Variants in LHFPL6 observed in about 807,000 individuals in gnomAD.
LHFPL6 encodes LHFPL tetraspan subfamily member 6.
Under a neutral mutation model 20.6 loss-of-function variants are expected in LHFPL6, and 9 were observed. That is an observed-to-expected ratio of 0.44 (90% CI 0.26 to 0.76). The LOEUF is 0.76. LHFPL6 is among the 30% of genes least tolerant of loss of function. LHFPL6 has a pLI of 0.20. For synonymous variants in LHFPL6, 105 were observed against 98.7 expected (o/e 1.06, Z -0.38); for missense variants, 218 against 253.5 (o/e 0.86, Z 0.95).
At chr13:39,539,221 C>T (rs1026892987) in intron 2 of LHFPL6, among the ~76,000 whole-genome samples, 6 of 151,908 alleles carry the variant, frequency 3.9e-5, no homozygotes, top group African/African-American at 1.2e-4. Context: ...TTTTGCATTT[C>T]GAAAAGCAGG....
intron 2 of LHFPL6, 122 bp from the exon 3 acceptor site, chr13:39,378,648 C>A: frequency 1.6e-6 from 1 of 635,078 alleles, no homozygotes; most frequent in Non-Finnish European, 2.7e-6. Flanking sequence ...ACAGCACCAG[C>A]CACAACTCTT....
intron 2 of LHFPL6, among the ~76,000 whole-genome samples, chr13:39,575,450 GA>G (rs1872085280): frequency 6.6e-6 from 1 of 152,142 alleles, no homozygotes; most frequent in Non-Finnish European, 1.5e-5. Context: ...CTAGTATCAT[GA>G]AAATCCACAA....
chr13:39,481,372 G>C (rs1368072030), intron 2 of LHFPL6, among the ~76,000 whole-genome samples: 1 of 152,128 alleles, frequency 6.6e-6, no homozygotes, highest in Non-Finnish European at 1.5e-5. Flanking sequence ...CACTTTCCTG[G>C]AGGTTACACT....
intron 2 of LHFPL6, among the ~76,000 whole-genome samples, chr13:39,397,599 C>T (rs1870876348): frequency 6.6e-6 from 1 of 152,230 alleles, no homozygotes; most frequent in South Asian, 2.1e-4. Context: ...CCTCTGGCAT[C>T]TCAGGGTTTG....
At chr13:39,346,747 G>A (rs1160784545) in intron 3 of LHFPL6, among the ~76,000 whole-genome samples, 3 of 152,104 alleles carry the variant, frequency 2.0e-5, no homozygotes, top group Non-Finnish European at 4.4e-5. Flanking sequence ...ATCAAGCCAT[G>A]CTCTTACTTA....
chr13:39,485,639 T>C (rs1017152607), intron 2 of LHFPL6, among the ~76,000 whole-genome samples: 5 of 152,152 alleles, frequency 3.3e-5, no homozygotes, highest in African/African-American at 7.2e-5. Flanking sequence ...TCCACCACTA[T>C]GAATAATCAA....
chr13:39,441,974 C>G (rs1424136335), intron 2 of LHFPL6, among the ~76,000 whole-genome samples: 1 of 151,906 alleles, frequency 6.6e-6, no homozygotes, highest in Non-Finnish European at 1.5e-5. Context: ...GGATTACAGG[C>G]ATGCACCACC....
chr13:39,428,515 T>C (rs1049728706), intron 2 of LHFPL6, among the ~76,000 whole-genome samples: 33 of 152,306 alleles, frequency 2.2e-4, no homozygotes, highest in Non-Finnish European at 3.7e-4. Context: ...CGTATTATCA[T>C]TGTAATCTAT....
At chr13:39,560,133 T>A (rs1488878993) in intron 2 of LHFPL6, among the ~76,000 whole-genome samples, 7 of 152,112 alleles carry the variant, frequency 4.6e-5, no homozygotes, top group Non-Finnish European at 8.8e-5. Context: ...TAGGCAAAAA[T>A]TCATGGGAGC....
intron 2 of LHFPL6, among the ~76,000 whole-genome samples, chr13:39,437,451 C>A (rs989490493): frequency 1.3e-5 from 2 of 152,142 alleles, no homozygotes; most frequent in African/African-American, 4.8e-5. Flanking sequence ...ATGGGAAATG[C>A]CTTTCTCCCC....
At chr13:39,539,916 T>C (rs943757871) in intron 2 of LHFPL6, among the ~76,000 whole-genome samples, 1 of 152,240 alleles carries the variant, frequency 6.6e-6, no homozygotes, top group African/African-American at 2.4e-5. Flanking sequence ...TAAAACTGCA[T>C]GTAATACACT....
intron 3 of LHFPL6, among the ~76,000 whole-genome samples, chr13:39,369,607 C>CCCTCCTTCCTTCCTTCCTTCCT (rs1566095694): frequency 1.4e-5 from 2 of 148,056 alleles, no homozygotes; most frequent in Non-Finnish European, 3.0e-5. Context: ...TCCTCCCTCT[C>CCCTCCTTCCTTCCTTCCTTCCT]TCCCTCCCTT....
At chr13:39,488,217 G>T (rs938064136) in intron 2 of LHFPL6, among the ~76,000 whole-genome samples, 2 of 152,192 alleles carry the variant, frequency 1.3e-5, no homozygotes, top group Non-Finnish European at 2.9e-5. Context: ...CACAGAACCT[G>T]CTGGCACCTT....
chr13:39,436,873 A>G (rs1871972808), intron 2 of LHFPL6, among the ~76,000 whole-genome samples: 1 of 152,200 alleles, frequency 6.6e-6, no homozygotes, highest in Non-Finnish European at 1.5e-5. Context: ...TATGTGGATC[A>G]TAAGAGTGAC....
At chr13:39,539,209 T>C (rs1327678763) in intron 2 of LHFPL6, among the ~76,000 whole-genome samples, 1 of 152,214 alleles carries the variant, frequency 6.6e-6, no homozygotes, top group East Asian at 1.9e-4. Context: ...TAGTTCTTTT[T>C]CTTTTGCATT....
chr13:39,579,492 C>T (rs1194011424), intron 2 of LHFPL6, among the ~76,000 whole-genome samples: 1 of 152,180 alleles, frequency 6.6e-6, no homozygotes, highest in Non-Finnish European at 1.5e-5. Context: ...TCTTGTCATT[C>T]TATCAGATTC....
intron 2 of LHFPL6, among the ~76,000 whole-genome samples, chr13:39,447,356 C>T (rs191629972): frequency 5.3e-5 from 8 of 152,118 alleles, no homozygotes; most frequent in African/African-American, 9.6e-5. Flanking sequence ...CTATACTTCA[C>T]GATATTTTTT....
chr13:39,585,573 T>G (rs1282818891), intron 2 of LHFPL6, among the ~76,000 whole-genome samples: 1 of 152,208 alleles, frequency 6.6e-6, no homozygotes, highest in Non-Finnish European at 1.5e-5. Context: ...TACAGGTGAC[T>G]GACAGCAATT....
intron 2 of LHFPL6, among the ~76,000 whole-genome samples, chr13:39,379,475 C>A (rs937690243): frequency 1.3e-5 from 2 of 152,074 alleles, no homozygotes; most frequent in Non-Finnish European, 2.9e-5. Flanking sequence ...AATGACAGAG[C>A]CCCCTAAATA....
Sources: allele counts gnomAD v4.1 joint callset (sites outside exome capture counted in the v4.1 genomes callset), GRCh38; gene constraint gnomAD v4.1.1; transcripts MANE v1.5; gene names NCBI Gene and HGNC (gene_info 2026-07-23, HGNC 2026-07-21).